The following UBE2D3 variants were observed in gnomAD, a reference collection of about 807,000 sequenced individuals.
UBE2D3 encodes the protein ubiquitin conjugating enzyme E2 D3, also known as ubiquitin-conjugating enzyme E2 D3.
Under a neutral mutation model 22.8 loss-of-function variants are expected in UBE2D3, and 2 were observed. That is an observed-to-expected ratio of 0.09 (90% confidence interval 0.04 to 0.28). The LOEUF is 0.28. Among genes scored for constraint, UBE2D3 ranks in the 10% least tolerant of loss-of-function variants. The pLI, the probability that UBE2D3 is intolerant of heterozygous loss-of-function variation, is 1.00. For missense variants in UBE2D3, 27 were observed against 182.5 expected, an observed-to-expected ratio of 0.15 and a Z score of 4.91; for synonymous variants, 56 against 60.4, an observed-to-expected ratio of 0.93 and a Z score of 0.34.
intron 1 of UBE2D3, among the ~76,000 whole-genome samples, chr4:102,852,107 C>A (rs111832045): frequency 2.0e-5 from 3 of 152,212 alleles, no homozygotes; most frequent in African/African-American, 7.2e-5. Flanking sequence ...TATGATACGC[C>A]CTTAGAAAGA....
At position 102,827,516 on chromosome 4, in the gene UBE2D3, A is replaced by G; in HGVS notation, c.-218T>C. 4.1e-6 allele frequency: 4 copies of G among 985,908 alleles called. No individual in the cohort carries two copies. Among genetic ancestry groups the G allele is most frequent in the Non-Finnish European group, 4.8e-6 (4 of 830,038 alleles). 61.1% of individuals were successfully genotyped at this position (985,908 alleles called of 1,614,324 possible). A position where few individuals can be genotyped will look rare whatever the true frequency, so the allele number is the denominator to read the frequency against. The stretch of plus-strand genomic sequence containing the variant: ...CCCCGGCCCTACGGGGCTCACGCGC[A>G]CGACACAGCCACAAGATGTCCGCTC... On this transcript the variant is annotated 5_prime_UTR_variant, in exon 1 of 8. Coordinates refer to ENST00000453744, the MANE Select transcript of UBE2D3 (RefSeq NM_181891.3).
intron 1 of UBE2D3, among the ~76,000 whole-genome samples, chr4:102,833,330 T>C (rs1454892999): frequency 6.6e-6 from 1 of 152,182 alleles, no homozygotes; most frequent in Non-Finnish European, 1.5e-5. Context: ...TCATTTGGCT[T>C]TCAAGTGGCC....
chr4:102,817,691 T>C (rs1728972347), intron 2 of UBE2D3, among the ~76,000 whole-genome samples: 1 of 152,198 alleles, frequency 6.6e-6, no homozygotes, highest in African/African-American at 2.4e-5. Flanking sequence ...ATGTTTTCCT[T>C]AGTATTTATT....
chr4:102,817,077 A>G (rs1728877380), intron 2 of UBE2D3, among the ~76,000 whole-genome samples: 1 of 152,210 alleles, frequency 6.6e-6, no homozygotes, highest in Admixed American at 6.5e-5. Flanking sequence ...TTTACCAAGA[A>G]CAAGGAGTGA....
At chr4:102,818,367 T>A (rs948171149) in intron 2 of UBE2D3, among the ~76,000 whole-genome samples, 21 of 152,218 alleles carry the variant, frequency 1.4e-4, no homozygotes, top group African/African-American at 4.6e-4. Flanking sequence ...TCTGCACACT[T>A]GGCTAGTGTG....
chr4:102,825,670 T>G lies in UBE2D3; in HGVS notation c.24+815A>C, dbSNP rs145496499. 1.0e-5 allele frequency: 9 copies of G among 897,908 alleles called. No individual in the cohort carries two copies. In the East Asian group the frequency reaches 5.6e-4, roughly 55 times the overall value. 55.6% of individuals were successfully genotyped at this position (897,908 alleles called of 1,614,324 possible). ...CGATAATATACTATCAAACCACATTTCAAGTAACGAAACAAGGGTGTTATT... is the reference window on the plus strand; with the variant it reads ...CGATAATATACTATCAAACCACATTGCAAGTAACGAAACAAGGGTGTTATT... On this transcript the variant is annotated intron_variant, in intron 2 of 7. Transcript: ENST00000453744.
chr4:102,843,175 T>C (rs985757804), intron 1 of UBE2D3: 1 of 152,354 alleles, frequency 6.6e-6, no homozygotes, highest in Admixed American at 6.5e-5. Flanking sequence ...GACCCAATGA[T>C]ATTAGAAGTT....
rs200559969 is a variant in UBE2D3 at position 102,798,159 on chromosome 4, A to T, written c.399-699T>A. Among the ~76,000 whole-genome samples the T allele has an allele frequency of 2.6e-5, 4 of 151,708 alleles. No individual in the cohort carries two copies. In the East Asian group the frequency reaches 7.7e-4, roughly 29 times the overall value. On this transcript the variant is annotated intron_variant, in intron 7 of 7. Coordinates refer to ENST00000453744, the MANE Select transcript of UBE2D3 (RefSeq NM_181891.3). ...AAGATCAACAGGTAATTCACACACA[A>T]GCAAGGTTATTACTCAGGAAGACTA...
intron 1 of UBE2D3, among the ~76,000 whole-genome samples, chr4:102,852,242 A>G (rs532253314): frequency 1.3e-5 from 2 of 152,336 alleles, no homozygotes; most frequent in South Asian, 2.1e-4. Flanking sequence ...TAAAAAGCTA[A>G]AAGTAGCTTG....
At chr4:102,867,739 GTGAGCTA>G (rs1733215475) in intron 1 of UBE2D3, among the ~76,000 whole-genome samples, 1 of 152,196 alleles carries the variant, frequency 6.6e-6, no homozygotes, top group Admixed American at 6.5e-5. Flanking sequence ...AGAGTCTGCG[GTGAGCTA>G]TGATCTGACC....
At chr4:102,843,550 C>T (rs1445858700) in intron 1 of UBE2D3, 2 of 152,186 alleles carry the variant, frequency 1.3e-5, no homozygotes, top group African/African-American at 2.4e-5. Context: ...CAGCACTTCT[C>T]CCTCAACCCA....
intron 4 of UBE2D3, among the ~76,000 whole-genome samples, chr4:102,805,675 G>GT (rs1726915791): frequency 6.6e-6 from 1 of 151,888 alleles, no homozygotes; most frequent in Non-Finnish European, 1.5e-5. Flanking sequence ...ATTCTTATAG[G>GT]TTGATTTTCT....
chr4:102,818,740 G>C (rs958081405), intron 2 of UBE2D3, among the ~76,000 whole-genome samples: 2 of 150,650 alleles, frequency 1.3e-5, no homozygotes, highest in African/African-American at 4.9e-5. Context: ...AGCAGTAATG[G>C]GTTTGGTCAC....
At chr4:102,826,953 T>C (rs1211221830) in intron 1 of UBE2D3, 5 of 1,003,334 alleles carry the variant, frequency 5.0e-6, no homozygotes, top group Admixed American at 5.9e-5. Flanking sequence ...TAGTCGGCGC[T>C]ATACCGGCGT....
intron 7 of UBE2D3, 99 bp downstream of exon 7, chr4:102,799,308 C>G (rs1217624483): frequency 2.2e-5 from 20 of 906,612 alleles, no homozygotes; most frequent in Non-Finnish European, 3.2e-5. Flanking sequence ...TAACTATTAT[C>G]TTACTAAATA....
intron 1 of UBE2D3, among the ~76,000 whole-genome samples, chr4:102,850,155 T>C (rs1732268237): frequency 6.6e-6 from 1 of 152,172 alleles, no homozygotes; most frequent in Non-Finnish European, 1.5e-5. Context: ...GGTGAAAATA[T>C]ACATTACATA....
intron 2 of UBE2D3, among the ~76,000 whole-genome samples, chr4:102,815,472 G>A (rs1356815184): frequency 1.3e-5 from 2 of 152,126 alleles, no homozygotes; most frequent in Admixed American, 1.3e-4. Flanking sequence ...AAACTATGAA[G>A]TTGACCTAGA....
chr4:102,846,219 A>G (rs1400207527), intron 1 of UBE2D3, among the ~76,000 whole-genome samples: 2 of 152,212 alleles, frequency 1.3e-5, no homozygotes, highest in Non-Finnish European at 1.5e-5. Flanking sequence ...AAAGACAGCC[A>G]CTTCAGAGCT....
At chr4:102,849,811 T>C (rs1297502012) in intron 1 of UBE2D3, among the ~76,000 whole-genome samples, 4 of 152,228 alleles carry the variant, frequency 2.6e-5, no homozygotes, top group African/African-American at 9.6e-5. Context: ...AGTGAAACTT[T>C]GTCACACTGT....
Sources: allele counts gnomAD v4.1 joint callset (sites outside exome capture counted in the v4.1 genomes callset), GRCh38; gene constraint gnomAD v4.1.1; transcripts MANE v1.5; gene names NCBI Gene and HGNC (gene_info 2026-07-23, HGNC 2026-07-21).